Variants in ATAD2B observed in about 807,000 individuals in gnomAD.
ATAD2B encodes the protein ATPase family AAA domain-containing protein 2B.
Under a neutral mutation model 167.6 loss-of-function variants are expected in ATAD2B, and 40 were observed. The observed-to-expected ratio is 0.24, with a 90% confidence interval of 0.19 to 0.31. The LOEUF (loss-of-function observed/expected upper bound fraction) is 0.31, where lower values mean the gene tolerates loss of function less well. Among genes scored for constraint, ATAD2B ranks in the 10% least tolerant of loss-of-function variants. The probability of loss-of-function intolerance (pLI) is 1.00; values close to 1 mark genes in which losing one functional copy is unlikely to be tolerated. For synonymous variants in ATAD2B, 579 were observed against 596.5 expected, an observed-to-expected ratio of 0.97 and a Z score of 0.43; for missense variants, 1,242 against 1,757.2, an observed-to-expected ratio of 0.71 and a Z score of 5.24.
At position 23,757,973 on chromosome 2, in the gene ATAD2B, C is replaced by T; in HGVS notation, c.3523G>A (p.Asp1175Asn). 2 of 1,613,636 alleles carry T rather than the reference C, an allele frequency of 1.2e-6. No homozygotes were observed. The highest frequency in any genetic ancestry group is 1.7e-6 in the Non-Finnish European group (2 of 1,179,748). The change falls in exon 25 of 28, where the codon GAC becomes AAC. Residue 1175 changes from aspartate (D) to asparagine (N), a missense_variant. By Grantham distance (23) the Asp-to-Asn change is conservative. Transcript: ENST00000238789. The part of the protein sequence containing the change: ...KFADYENHTE[D>N]RKLLENGEFE... ...TCTCCATTCTCTAATAATTTCCTGT[C>T]CTCCGTATGGTTCTCATAGTCTGCA...
At chr2:23,803,325 C>T (rs1039299250) in intron 18 of ATAD2B, among the ~76,000 whole-genome samples, 7 of 150,828 alleles carry the variant, frequency 4.6e-5, no homozygotes, top group Admixed American at 4.6e-4. Flanking sequence ...CACACACACA[C>T]ACACACACAC....
At chr2:23,738,337 T>G in the ATAD2B span, among the ~76,000 whole-genome samples, 9 of 152,312 alleles carry the variant, frequency 5.9e-5, no homozygotes, top group African/African-American at 1.9e-4. Context: ...CCCATCAGAC[T>G]AACAGCTGAT....
At chr2:23,722,312 C>T in the ATAD2B span, among the ~76,000 whole-genome samples, 1 of 152,186 alleles carries the variant, frequency 6.6e-6, no homozygotes, top group South Asian at 2.1e-4. Flanking sequence ...TAAGGAAACT[C>T]GGTGAGATAC....
At chr2:23,856,327 T>C (rs1693401013) in intron 13 of ATAD2B, 1 of 194,106 alleles carries the variant, frequency 5.2e-6, no homozygotes, top group African/African-American at 2.4e-5. Context: ...TTGATGAGCA[T>C]TTCCTTTGAG....
chr2:23,852,858 G>T (rs1259127458), intron 13 of ATAD2B, among the ~76,000 whole-genome samples: 1 of 151,608 alleles, frequency 6.6e-6, no homozygotes, highest in Non-Finnish European at 1.5e-5. Flanking sequence ...GGTGGAGGTT[G>T]CAGTGAGCCG....
chr2:23,734,888 T>G, the ATAD2B span, among the ~76,000 whole-genome samples: 1 of 152,204 alleles, frequency 6.6e-6, no homozygotes, highest in East Asian at 1.9e-4. Context: ...TTTTTCTTAA[T>G]ATGTCTTTTA....
At chr2:23,781,745 T>A (rs1239401955) in intron 22 of ATAD2B, among the ~76,000 whole-genome samples, 1 of 151,986 alleles carries the variant, frequency 6.6e-6, no homozygotes, top group African/African-American at 2.4e-5. Context: ...TCTTTTTTTT[T>A]TTTCTTGTCT....
the ATAD2B span, among the ~76,000 whole-genome samples, chr2:23,714,786 C>T: frequency 1.3e-5 from 2 of 151,356 alleles, no homozygotes; most frequent in South Asian, 2.1e-4. Context: ...ACCCAGGAGG[C>T]GGAGGCTGCA....
chr2:23,745,103 T>C (rs1674758395), downstream of ATAD2B, among the ~76,000 whole-genome samples: 1 of 152,018 alleles, frequency 6.6e-6, no homozygotes, highest in Admixed American at 6.6e-5. Context: ...CTGGCCAACA[T>C]GGTGAAACCC....
chr2:23,693,495 G>C, the ATAD2B span: 1 of 1,551,602 alleles, frequency 6.4e-7, no homozygotes, highest in Non-Finnish European at 8.7e-7. Context: ...CAGTCATCAA[G>C]TGGATCAAGA....
intron 1 of ATAD2B, among the ~76,000 whole-genome samples, chr2:23,919,039 A>G (rs1022024483): frequency 1.3e-5 from 2 of 152,196 alleles, no homozygotes; most frequent in Non-Finnish European, 2.9e-5. Flanking sequence ...ACAAGTGAGT[A>G]TAGCAAAAAA....
rs1486447892 is a variant in ATAD2B, at chr2:23,757,819, C to T, written c.3677G>A (p.Gly1226Asp). 6.4e-7 allele frequency: 1 copy of T among 1,570,352 alleles called. No individual in the cohort carries two copies. Among genetic ancestry groups the T allele is most frequent in the South Asian group, 1.2e-5 (1 of 82,308 alleles). ...DQGQRLNNGA[G>D]TKENFASTEE... ...AGTAGATGCAAAGTTCTCTTTTGTG[C>T]CTGCTCCATTGTTAAGCCTCTGCCC... Residue 1226 changes from glycine (G) to aspartate (D), a missense_variant, in exon 25 of 28, where the codon GGC becomes GAC. Physicochemically the swap from Gly to Asp is moderately conservative, Grantham distance 94. Transcript: ENST00000238789.
At chr2:23,785,855 G>A (rs1680735780) in intron 21 of ATAD2B, 172 bp downstream of exon 21, 5 of 522,572 alleles carry the variant, frequency 9.6e-6, no homozygotes, top group Non-Finnish European at 1.3e-5. Context: ...TCATCCAAAA[G>A]TCACCAGATG....
chr2:23,691,702 C>G, the ATAD2B span: 1 of 1,551,776 alleles, frequency 6.4e-7, no homozygotes, highest in Non-Finnish European at 8.7e-7. Context: ...CCAGGGCGGC[C>G]GGGAGAAGCT....
intron 17 of ATAD2B, among the ~76,000 whole-genome samples, chr2:23,818,361 GCAAAAAAAA>G (rs1558592553): frequency 7.7e-5 from 1 of 12,994 alleles, no homozygotes. Context: ...CAGGTGAAAA[GCAAAAAAAA>G]AAAAAAAAAA....
intron 16 of ATAD2B, among the ~76,000 whole-genome samples, 200 bp downstream of exon 16, chr2:23,823,058 G>A (rs967647877): frequency 1.4e-5 from 2 of 148,036 alleles, no homozygotes; most frequent in African/African-American, 4.9e-5. Context: ...TGTCCCAAAA[G>A]TGAACATTCA....
rs748414535 is a variant in ATAD2B at position 23,887,925 on chromosome 2, T to C, written c.479A>G (p.Asn160Ser). 2 of 1,611,006 alleles carry C rather than the reference T, an allele frequency of 1.2e-6. No individual in the cohort carries two copies. The highest frequency in any genetic ancestry group is 2.7e-5 in the African/African-American group (2 of 74,760). Residue 160 changes from asparagine (N) to serine (S), a missense_variant, in exon 4 of 28, where the codon AAT becomes AGT. Transcript: ENST00000238789. ...KKGDGDLSCINGDMEVRKSCR... is the reference protein window; with the variant it reads ...KKGDGDLSCISGDMEVRKSCR... ...ACTTTTTCTGACTTCCATGTCACCA[T>C]TTATACAAGAAAGGTCCCCATCTCC...
intron 23 of ATAD2B, among the ~76,000 whole-genome samples, chr2:23,763,383 C>T (rs909063515): frequency 6.6e-6 from 1 of 152,310 alleles, no homozygotes; most frequent in African/African-American, 2.4e-5. Flanking sequence ...ACATAAAAAT[C>T]ACCTGTTTTA....
At chr2:23,871,048 T>C (rs1225146101) in intron 8 of ATAD2B, among the ~76,000 whole-genome samples, 1 of 151,898 alleles carries the variant, frequency 6.6e-6, no homozygotes, top group Non-Finnish European at 1.5e-5. Flanking sequence ...CCAAATCAAA[T>C]GCTTCAACCA....
Sources: gnomAD v4.1 joint callset for allele counts (sites outside exome capture counted in the v4.1 genomes callset) on GRCh38, gnomAD v4.1.1 for gene constraint, MANE v1.5 for transcripts, NCBI Gene and HGNC (gene_info 2026-07-23, HGNC 2026-07-21) for gene names.